Variants in ACSF3 observed in about 807,000 individuals in gnomAD.
ACSF3 encodes malonate--CoA ligase ACSF3, mitochondrial.
Under a neutral mutation model 53.2 loss-of-function variants are expected in ACSF3, and 78 were observed. The ratio of observed to expected loss-of-function variants is 1.47; its 90% CI spans 1.22 to 1.77. The LOEUF (loss-of-function observed/expected upper bound fraction) is 1.77. ACSF3 is among the 40% of genes most tolerant of loss of function. The pLI, the probability that ACSF3 is intolerant of heterozygous loss-of-function variation, is 0.00. For synonymous variants in ACSF3, 414 were observed against 333.1 expected, an observed-to-expected ratio of 1.24 and a Z score of -2.65; for missense variants, 937 against 771.1, an observed-to-expected ratio of 1.22 and a Z score of -2.55.
intron 2 of ACSF3, 112 bp downstream of exon 2, chr16:89,098,875 A>C: frequency 2.3e-6 from 1 of 439,022 alleles, no homozygotes; most frequent in Admixed American, 2.4e-5. Context: ...AACCTAACCT[A>C]ATATGTGTGT....
In ACSF3 at chr16:89,135,622, C is replaced by T. The variant is rs377299894; in HGVS notation, c.1366+2360C>T. Among the ~76,000 whole-genome samples, 15 of 152,344 alleles carry T rather than the reference C, an allele frequency of 9.8e-5. No individual in the cohort carries two copies. The East Asian group carries it at 2.1e-3, about 22-fold the overall frequency. Reference sequence around the variant, plus strand: ...TATCTTTTTTATACATCCCCATTAGCGCATGCTGATCTGGGGAAACAGCCT... The same window carrying T: ...TATCTTTTTTATACATCCCCATTAGTGCATGCTGATCTGGGGAAACAGCCT... On this transcript the variant is annotated intron_variant, in intron 8 of 10. Coordinates refer to ENST00000614302, the MANE Select transcript of ACSF3 (RefSeq NM_001243279.3).
chr16:89,097,509 G>T (rs977955705), intron 1 of ACSF3, among the ~76,000 whole-genome samples: 1 of 152,258 alleles, frequency 6.6e-6, no homozygotes, highest in East Asian at 1.9e-4. Context: ...CCAGTGCCCA[G>T]TCGGTTTTCT....
chr16:89,101,419 A>ACATCTTTTC, intron 3 of ACSF3, 72 bp downstream of exon 3: 1 of 1,546,456 alleles, frequency 6.5e-7, no homozygotes, highest in Non-Finnish European at 8.7e-7. Context: ...GGCCAGAAGC[A>ACATCTTTTC]CATCTTTTCA....
intron 6 of ACSF3, among the ~76,000 whole-genome samples, chr16:89,117,561 G>A (rs533810518): frequency 2.0e-5 from 3 of 151,746 alleles, no homozygotes; most frequent in Admixed American, 6.6e-5. Flanking sequence ...TGTCTACACC[G>A]AGGATGTCAG....
intron 8 of ACSF3, 161 bp from the exon 9 acceptor site, chr16:89,145,106 G>C: frequency 6.4e-7 from 1 of 1,574,154 alleles, no homozygotes; most frequent in Non-Finnish European, 8.6e-7. Flanking sequence ...ACCTGGCATA[G>C]CTGTTTCTCC....
intron 7 of ACSF3, chr16:89,122,382 C>G (rs950826538): frequency 4.4e-6 from 2 of 450,284 alleles, no homozygotes; most frequent in Admixed American, 2.4e-5. Flanking sequence ...AGGGCCCCAG[C>G]CCATGCTGTT....
intron 10 of ACSF3, chr16:89,152,561 C>A: frequency 6.6e-6 from 1 of 152,394 alleles, no homozygotes. Flanking sequence ...CAAGCCGAGA[C>A]TGCACCACTG....
chr16:89,143,618 C>T (rs1328502827), intron 8 of ACSF3, among the ~76,000 whole-genome samples: 1 of 152,148 alleles, frequency 6.6e-6, no homozygotes, highest in African/African-American at 2.4e-5. Context: ...GGAGCCATGG[C>T]GGGTCCCACG....
At chr16:89,111,579 C>T (rs1037323590) in intron 4 of ACSF3, among the ~76,000 whole-genome samples, 2 of 152,218 alleles carry the variant, frequency 1.3e-5, no homozygotes, top group African/African-American at 2.4e-5. Context: ...TTATGGGCGA[C>T]GCGAGAACCC....
Position 89,112,736 on chromosome 16 carries a change from GTCTC to G in ACSF3, c.977+502_977+505del, listed in dbSNP as rs376963411. On this transcript the variant is annotated intron_variant, in intron 5 of 10. Coordinates refer to ENST00000614302, the MANE Select transcript of ACSF3 (RefSeq NM_001243279.3). ...TGTCTGTCTGCTCTCTCTCCTGTCC[GTCTC>G]TCTCTCTCTCTGTCATGGCGTCTGA... is the stretch of plus-strand genomic sequence containing the variant. Among the ~76,000 whole-genome samples the G allele has an allele frequency of 2.0e-5, 3 of 150,806 alleles. No individual in the cohort carries two copies. The East Asian group carries it at 5.8e-4, about 29-fold the overall frequency.
intron 3 of ACSF3, among the ~76,000 whole-genome samples, chr16:89,101,579 C>T (rs1009621586): frequency 6.6e-6 from 1 of 152,164 alleles, no homozygotes; most frequent in African/African-American, 2.4e-5. Flanking sequence ...ATTGAGGGGC[C>T]GCCGAGTGAC....
chr16:89,122,674 C>T (rs1597994293), intron 7 of ACSF3: 1 of 166,018 alleles, frequency 6.0e-6, no homozygotes, highest in East Asian at 1.8e-4. Context: ...GAGTGAGACG[C>T]CCCGTGGCTG....
intron 8 of ACSF3, chr16:89,141,413 G>C (rs535657027): frequency 2.1e-6 from 2 of 961,238 alleles, no homozygotes; most frequent in Non-Finnish European, 2.8e-6. Context: ...GGGAAGCAGC[G>C]GGGCCGCCCC....
intron 10 of ACSF3, chr16:89,151,374 G>C (rs376706845): frequency 2.8e-4 from 104 of 372,882 alleles, no homozygotes; most frequent in African/African-American, 1.8e-3. Flanking sequence ...AACAGAGTGG[G>C]GAGGAACACT....
At chr16:89,151,217 G>A (rs749913853) in intron 10 of ACSF3, 5 of 469,552 alleles carry the variant, frequency 1.1e-5, no homozygotes, top group East Asian at 6.9e-5. Flanking sequence ...CAAGACTGAC[G>A]CAAACACTGA....
intron 6 of ACSF3, among the ~76,000 whole-genome samples, chr16:89,118,480 G>A (rs963536800): frequency 4.6e-5 from 7 of 152,246 alleles, no homozygotes; most frequent in African/African-American, 1.7e-4. Flanking sequence ...GGTGGCCATG[G>A]CCTTGACCCT....
At chr16:89,141,151 G>A (rs565966399) in intron 8 of ACSF3, 55 of 1,287,198 alleles carry the variant, frequency 4.3e-5, no homozygotes, top group East Asian at 5.5e-5. Flanking sequence ...TGTCCGACCC[G>A]CTCTTGCTTG....
At chr16:89,128,456 C>T (rs1908608396) in intron 7 of ACSF3, among the ~76,000 whole-genome samples, 2 of 151,872 alleles carry the variant, frequency 1.3e-5, no homozygotes, top group Admixed American at 1.3e-4. Context: ...GATGGGGTTT[C>T]ACCATGTTGG....
chr16:89,120,377 AGCCCCGGG>A (rs1334394677), intron 6 of ACSF3, among the ~76,000 whole-genome samples: 2 of 152,220 alleles, frequency 1.3e-5, no homozygotes, highest in Non-Finnish European at 2.9e-5. Context: ...CATCGTGGAC[AGCCCCGGG>A]GCCATCAGGG....
Sources: gnomAD v4.1 joint callset for allele counts (sites outside exome capture counted in the v4.1 genomes callset) on GRCh38, gnomAD v4.1.1 for gene constraint, MANE v1.5 for transcripts, NCBI Gene and HGNC (gene_info 2026-07-23, HGNC 2026-07-21) for gene names.